TTLL4: variants seen among roughly 807,000 people sequenced by gnomAD.
TTLL4 encodes the protein tubulin tyrosine ligase like 4, also known as tubulin monoglutamylase TTLL4.
A neutral mutation model predicts 122.7 loss-of-function variants in TTLL4; 85 were observed. That is an observed-to-expected ratio of 0.69 (90% CI 0.58 to 0.83). The LOEUF is 0.83. Among genes scored for constraint, TTLL4 ranks in the 40% least tolerant of loss-of-function variants. The probability of loss-of-function intolerance (pLI) is 0.00; values close to 1 mark genes in which losing one functional copy is unlikely to be tolerated. For missense variants in TTLL4, 1,363 were observed against 1,488.6 expected (o/e 0.92, Z 1.39); for synonymous variants, 553 against 563.0 (o/e 0.98, Z 0.25).
Position 218,738,237 on chromosome 2 carries a change from G to A in TTLL4, c.561G>A (p.Ala187=), listed in dbSNP as rs528979213. The change falls in exon 3 of 20, where the codon GCG becomes GCA. Residue 187 remains alanine (A), a synonymous_variant. Coordinates refer to ENST00000392102, the MANE Select transcript of TTLL4 (RefSeq NM_014640.5). ...SSTEPYLCLA[A]AGENPSGKSL... Reference sequence around the variant, plus strand: ...CAGAACCATACCTCTGCTTGGCAGCGGCTGGGGAAAACCCTTCAGGGAAGA... The same window carrying A: ...CAGAACCATACCTCTGCTTGGCAGCAGCTGGGGAAAACCCTTCAGGGAAGA... 25 of 1,613,974 alleles carry A rather than the reference G, an allele frequency of 1.5e-5. No homozygotes were observed. The highest frequency in any genetic ancestry group is 6.7e-5 in the Admixed American group (4 of 60,006).
rs1055198735 is a variant in TTLL4 at position 218,746,190 on chromosome 2, A to G, written c.1933A>G (p.Met645Val). ...CTGGCTGGGCTGCTGGGGTCACCAC[A>G]TGAAGTCTCCTAGTTTCCGATCCAT... ...DDWLGCWGHH[M>V]KSPSFRSIRE... is the part of the protein sequence containing the mutation. Residue 645 changes from methionine (M) to valine (V), a missense_variant, in exon 8 of 20, where the codon ATG (methionine) becomes GTG (valine). Coordinates refer to ENST00000392102, the MANE Select transcript of TTLL4 (RefSeq NM_014640.5). 1.2e-6 allele frequency: 2 copies of G among 1,613,926 alleles called. No individual in the cohort carries two copies. Among genetic ancestry groups the G allele is most frequent in the Non-Finnish European group, 1.7e-6 (2 of 1,180,034 alleles).
intron 7 of TTLL4, 124 bp from the exon 8 acceptor site, chr2:218,746,031 C>A: frequency 8.7e-7 from 1 of 1,150,520 alleles, no homozygotes; most frequent in Non-Finnish European, 1.3e-6. Context: ...TCATGTAGGA[C>A]AGCTCCATAG....
At chr2:218,753,209 C>T in intron 18 of TTLL4, 24 bp downstream of exon 18, 1 of 1,613,542 alleles carries the variant, frequency 6.2e-7, no homozygotes, top group South Asian at 1.1e-5. Context: ...GTGTGGAGGA[C>T]AGCTCCTTCT....
intron 18 of TTLL4, 191 bp from the exon 19 acceptor site, chr2:218,753,393 G>A (rs1357887463): frequency 1.2e-6 from 1 of 812,884 alleles, no homozygotes; most frequent in East Asian, 2.5e-5. Context: ...AAAGTGCTTT[G>A]TAGGCCTCAA....
At chr2:218,723,455 A>C (rs1942101564) in intron 1 of TTLL4, among the ~76,000 whole-genome samples, 3 of 152,146 alleles carry the variant, frequency 2.0e-5, no homozygotes, top group Admixed American at 6.6e-5. Flanking sequence ...GCTTCCATTA[A>C]ACTTTATCTG....
intron 1 of TTLL4, among the ~76,000 whole-genome samples, chr2:218,715,561 C>T (rs1371619153): frequency 6.6e-6 from 1 of 152,118 alleles, no homozygotes; most frequent in Non-Finnish European, 1.5e-5. Context: ...AGTTGCAACA[C>T]AGTTGCAACA....
Position 218,752,845 on chromosome 2 carries a change from G to A in TTLL4, c.3059G>A (p.Arg1020His), listed in dbSNP as rs1473555537. The change falls in exon 17 of 20, where the codon CGT becomes CAT. Residue 1020 changes from arginine to histidine, a missense_variant. Transcript: ENST00000392102. ...GAGATGGAAGATGAGTTTTCTCGCC[G>A]TGGTCAGTTTGAACGAATTTTTCCT... ...LVEMEDEFSR[R>H]GQFERIFPSH... 4.3e-6 allele frequency: 7 copies of A among 1,614,068 alleles called. No individual in the cohort carries two copies. The highest frequency in any genetic ancestry group is 1.7e-5 in the Admixed American group (1 of 60,002).
Position 218,754,305 on chromosome 2 carries a change from C to G in TTLL4, c.3516C>G (p.Ile1172Met). The stretch of plus-strand genomic sequence containing the variant: ...TTTCTACCCAGACGTTACCTGTGAT[C>G]AAGTGCTCTGGGCAGACTTCAAGAC... The part of the protein sequence containing the change: ...PSLSTQTLPV[I>M]KCSGQTSRLS... Residue 1172 changes from isoleucine to methionine, a missense_variant, in exon 20 of 20, where the codon ATC becomes ATG. Around this residue, in one of 3 missense-constraint regions of TTLL4, gnomAD observed 596 missense variants for 655.8 expected, o/e 0.91. Coordinates refer to ENST00000392102, the MANE Select transcript of TTLL4 (RefSeq NM_014640.5). The G allele has an allele frequency of 6.2e-7, 1 of 1,614,186 alleles. No individual in the cohort carries two copies. Among genetic ancestry groups the G allele is most frequent in the Non-Finnish European group, 8.5e-7 (1 of 1,180,030 alleles).
At chr2:218,750,283 C>A in intron 15 of TTLL4, 137 bp downstream of exon 15, 2 of 1,183,526 alleles carry the variant, frequency 1.7e-6, no homozygotes, top group Non-Finnish European at 1.2e-6. Flanking sequence ...AGTCCACTAA[C>A]ATGCTACCAT....
In TTLL4 at chr2:218,745,723, C is replaced by T. The variant is rs1282393621; in HGVS notation, c.1819C>T (p.Leu607Phe). ...EKLPWEQRKL[L>F]RWKMSTVTPN... ...ACTTCCCTGGGAACAGAGGAAGTTG[C>T]TCCGATGGAAGATGAGCACAGTGAC... is the stretch of plus-strand genomic sequence containing the variant. Residue 607 changes from leucine (L) to phenylalanine (F), a missense_variant, in exon 7 of 20, where the codon CTC becomes TTC. Transcript: ENST00000392102. The T allele has an allele frequency of 1.2e-6, 2 of 1,613,170 alleles. No homozygotes were observed. Among genetic ancestry groups the T allele is most frequent in the Non-Finnish European group, 1.7e-6 (2 of 1,179,668 alleles).
chr2:218,715,572 C>T (rs1215813587), intron 1 of TTLL4, among the ~76,000 whole-genome samples: 1 of 151,834 alleles, frequency 6.6e-6, no homozygotes, highest in African/African-American at 2.4e-5. Context: ...AGTTGCAACA[C>T]AATGCATCTA....
chr2:218,750,560 C>T (rs1403743374), intron 15 of TTLL4, among the ~76,000 whole-genome samples: 1 of 152,008 alleles, frequency 6.6e-6, no homozygotes, highest in Non-Finnish European at 1.5e-5. Context: ...AAAATTCTTA[C>T]CTGGGCAGTC....
intron 1 of TTLL4, among the ~76,000 whole-genome samples, chr2:218,717,827 C>G (rs1341450265): frequency 6.6e-6 from 1 of 150,436 alleles, no homozygotes; most frequent in Admixed American, 6.6e-5. Context: ...GAGACAGAGT[C>G]TTGCTCTGTC....
At chr2:218,754,044 A>T in intron 19 of TTLL4, 90 bp from the exon 20 acceptor site, 1 of 1,559,964 alleles carries the variant, frequency 6.4e-7, no homozygotes, top group Non-Finnish European at 8.7e-7. Flanking sequence ...TAATGTCGTG[A>T]ATGCCTGCTC....
intron 19 of TTLL4, 87 bp from the exon 20 acceptor site, chr2:218,754,047 G>C: frequency 6.4e-7 from 1 of 1,566,688 alleles, no homozygotes. Context: ...TGTCGTGAAT[G>C]CCTGCTCCAG....
intron 2 of TTLL4, among the ~76,000 whole-genome samples, chr2:218,736,624 A>T (rs1172261780): frequency 6.6e-6 from 1 of 152,092 alleles, no homozygotes; most frequent in African/African-American, 2.4e-5. Context: ...GTTTAGTTCA[A>T]TTTCCTTTCT....
intron 5 of TTLL4, among the ~76,000 whole-genome samples, chr2:218,743,052 G>A (rs1295838943): frequency 6.6e-6 from 1 of 152,096 alleles, no homozygotes; most frequent in Non-Finnish European, 1.5e-5. Context: ...GCTGAGGCAG[G>A]AGAATCACAT....
Position 218,752,910 on chromosome 2 carries a change from C to G in TTLL4, c.3124C>G (p.Pro1042Ala). 1 of 1,614,144 alleles carries G rather than the reference C, an allele frequency of 6.2e-7. No homozygotes were observed. The highest frequency in any genetic ancestry group is 1.1e-5 in the South Asian group (1 of 91,080). ...SSRYLRFFEQ[P>A]RYFNILTTQW... ...TCGCTATCTCCGCTTTTTTGAGCAG[C>G]CACGATATTTCAACATTCTCACCAC... is the stretch of plus-strand genomic sequence containing the variant. The change falls in exon 17 of 20, where the codon CCA becomes GCA. Residue 1042 changes from proline to alanine, a missense_variant. By Grantham distance (27) the Pro-to-Ala change is conservative. Transcript: ENST00000392102.
intron 2 of TTLL4, among the ~76,000 whole-genome samples, chr2:218,729,773 A>C (rs865916302): frequency 1.3e-5 from 2 of 151,182 alleles, no homozygotes; most frequent in African/African-American, 4.9e-5. Context: ...CAAAAAAAAA[A>C]AAAACAGGAT....
Sources: gnomAD v4.1 joint callset for allele counts (sites outside exome capture counted in the v4.1 genomes callset) on GRCh38, gnomAD v4.1.1 for gene constraint, gnomAD v4.1.1 regional missense constraint, MANE v1.5 for transcripts, NCBI Gene and HGNC (gene_info 2026-07-23, HGNC 2026-07-21) for gene names.